The following ASAP1 variants were observed in gnomAD, a reference collection of about 807,000 sequenced individuals.
ASAP1 encodes the protein arf-GAP with SH3 domain, ANK repeat and PH domain-containing protein 1.
In ASAP1, 43 loss-of-function variants were observed where a neutral mutation model predicts 145.2. The ratio of observed to expected loss-of-function variants is 0.30; its 90% CI spans 0.23 to 0.38. ASAP1 has a LOEUF of 0.38. Ranked by LOEUF, ASAP1 falls within the 10% of genes least tolerant of loss-of-function variation. The pLI is 1.00. For synonymous variants in ASAP1, 546 were observed against 515.5 expected, an observed-to-expected ratio of 1.06 and a Z score of -0.80; for missense variants, 1,018 against 1,355.3, an observed-to-expected ratio of 0.75 and a Z score of 3.91.
chr8:130,156,954 T>G (rs1463541656), intron 12 of ASAP1, among the ~76,000 whole-genome samples: 5 of 152,260 alleles, frequency 3.3e-5, no homozygotes, highest in Non-Finnish European at 7.3e-5. Flanking sequence ...AAGATCATTG[T>G]GATTTCGGGA....
chr8:130,278,357 T>C (rs1821048397), intron 3 of ASAP1, among the ~76,000 whole-genome samples: 1 of 151,692 alleles, frequency 6.6e-6, no homozygotes. Context: ...GCAGGTTAAG[T>C]CCACCACTCC....
intron 1 of ASAP1, among the ~76,000 whole-genome samples, chr8:130,420,618 G>A (rs1829680497): frequency 1.3e-5 from 2 of 152,120 alleles, no homozygotes; most frequent in South Asian, 4.1e-4. Context: ...CTGAGGCCAG[G>A]TGCGGTGGCT....
At chr8:130,421,764 C>T (rs1317871396) in intron 1 of ASAP1, among the ~76,000 whole-genome samples, 1 of 152,178 alleles carries the variant, frequency 6.6e-6, no homozygotes, top group African/African-American at 2.4e-5. Flanking sequence ...CAATAAACAT[C>T]GTGGGGACTA....
intron 3 of ASAP1, among the ~76,000 whole-genome samples, chr8:130,353,131 T>C (rs532539326): frequency 1.3e-5 from 2 of 152,228 alleles, no homozygotes; most frequent in Non-Finnish European, 2.9e-5. Flanking sequence ...GAACTGCCCC[T>C]TTCTACCCTG....
chr8:130,121,074 A>C (rs2097565057), intron 18 of ASAP1, among the ~76,000 whole-genome samples: 3 of 152,202 alleles, frequency 2.0e-5, no homozygotes, highest in Admixed American at 1.3e-4. Context: ...CTCATATTAA[A>C]ACTGATCAGC....
intron 9 of ASAP1, among the ~76,000 whole-genome samples, chr8:130,178,073 G>A (rs11774686): frequency 0.035 from 5,293 of 152,256 alleles, 126 homozygotes; most frequent in Middle Eastern, 0.065. Context: ...TATTAATGCT[G>A]ACCTCCTTAA....
intron 24 of ASAP1, among the ~76,000 whole-genome samples, chr8:130,103,906 AT>A (rs1260567065): frequency 2.0e-5 from 3 of 152,044 alleles, no homozygotes; most frequent in African/African-American, 7.2e-5. Context: ...TTACATCTTC[AT>A]TTTTTTAAGG....
At chr8:130,300,184 A>AGAGAGAGAGAGAGAGAGAGAGAGAGC (rs761456724) in intron 3 of ASAP1, among the ~76,000 whole-genome samples, 2 of 140,288 alleles carry the variant, frequency 1.4e-5, no homozygotes, top group Admixed American at 7.0e-5. Flanking sequence ...AGAGAGAGAG[A>AGAGAGAGAGAGAGAGAGAGAGAGAGC]GAGCGAGCGA....
chr8:130,060,056 C>T (rs2097414805), intron 28 of ASAP1, among the ~76,000 whole-genome samples: 2 of 130,250 alleles, frequency 1.5e-5, no homozygotes, highest in African/African-American at 3.0e-5. Flanking sequence ...CCAGCCTGGG[C>T]GACAGAGCGA....
intron 13 of ASAP1, among the ~76,000 whole-genome samples, chr8:130,149,243 T>C (rs918470275): frequency 1.3e-5 from 2 of 148,164 alleles, no homozygotes; most frequent in Admixed American, 6.9e-5. Flanking sequence ...ACATACTAGA[T>C]GGTCCATAGT....
rs1271428104 is a variant in ASAP1 at position 130,052,390 on chromosome 8, T to C, written c.*2341A>G. 6.6e-6 allele frequency: 1 copy of C among 152,374 alleles called. No individual in the cohort carries two copies. The highest frequency in any genetic ancestry group is 1.5e-5 in the Non-Finnish European group (1 of 68,010). The allele number at this position is 152,374 out of a possible 1,614,324, so 9.4% of individuals were successfully genotyped here. A position where few individuals can be genotyped will look rare whatever the true frequency, so the allele number is the denominator to read the frequency against. On this transcript the variant is annotated 3_prime_UTR_variant, in exon 30 of 30. Coordinates refer to ENST00000518721, the MANE Select transcript of ASAP1 (RefSeq NM_018482.4). The stretch of plus-strand genomic sequence containing the variant: ...ATTTGCAGAACATAACTTTCCCCTC[T>C]GGGGGAAAAAGAACTAATTTGCTAT...
At chr8:130,198,299 A>AT (rs1191516000) in intron 5 of ASAP1, among the ~76,000 whole-genome samples, 2 of 151,870 alleles carry the variant, frequency 1.3e-5, no homozygotes, top group African/African-American at 2.4e-5. Context: ...TGATTTTTGT[A>AT]TTTTTAGTAG....
chr8:130,074,016 G>C (rs1000905635), intron 27 of ASAP1, among the ~76,000 whole-genome samples: 10 of 152,072 alleles, frequency 6.6e-5, no homozygotes, highest in Admixed American at 6.6e-4. Flanking sequence ...AATAAAAAGA[G>C]AGATGCAGGG....
chr8:130,095,497 T>TGC (rs1485009677), intron 24 of ASAP1, among the ~76,000 whole-genome samples: 2 of 151,664 alleles, frequency 1.3e-5, no homozygotes, highest in African/African-American at 4.8e-5. Flanking sequence ...GATGGGGTTT[T>TGC]GCCATGTTGG....
At position 130,304,993 on chromosome 8, in the gene ASAP1, G is replaced by C. The variant is rs11785172; in HGVS notation, c.186+53024C>G. Among the ~76,000 whole-genome samples, 2 of 152,024 alleles carry C rather than the reference G, an allele frequency of 1.3e-5. 1 individual carries two copies. The highest frequency in any genetic ancestry group is 4.1e-4 in the South Asian group (2 of 4,824). Reference sequence around the variant, plus strand: ...CTTTCCAACCTCTTCTTCCTCACACGCTCTACACCTTGGCCACATGACCTC... The same window carrying C: ...CTTTCCAACCTCTTCTTCCTCACACCCTCTACACCTTGGCCACATGACCTC... On this transcript the variant is annotated intron_variant, in intron 3 of 29. Coordinates refer to ENST00000518721, the MANE Select transcript of ASAP1 (RefSeq NM_018482.4).
intron 4 of ASAP1, among the ~76,000 whole-genome samples, chr8:130,229,892 C>T (rs1817807034): frequency 1.3e-5 from 2 of 152,016 alleles, no homozygotes; most frequent in African/African-American, 4.8e-5. Context: ...CACCACCTCC[C>T]TCCCACACAC....
rs180958481 is a variant in ASAP1 at position 130,361,545 on chromosome 8, C to A, written c.60-3402G>T. On this transcript the variant is annotated intron_variant, in intron 2 of 29. Transcript: ENST00000518721. ...ATTTGAAGATTATGTTATGTATCTG[C>A]TCCTCCCCCATCTCCTTTGGCCAAG... The A allele has an allele frequency of 1.0e-3, 754 of 735,302 alleles. 3 individuals carry two copies. The highest frequency in any genetic ancestry group is 5.3e-3 in the Middle Eastern group (23 of 4,348). 45.5% of individuals were successfully genotyped at this position (735,302 alleles called of 1,614,324 possible).
chr8:130,369,610 C>T (rs1827118809), intron 2 of ASAP1, among the ~76,000 whole-genome samples: 1 of 152,116 alleles, frequency 6.6e-6, no homozygotes, highest in African/African-American at 2.4e-5. Flanking sequence ...ATAATAAGCA[C>T]ATGAAAAGAT....
intron 2 of ASAP1, among the ~76,000 whole-genome samples, chr8:130,399,731 A>G (rs1056396937): frequency 1.3e-5 from 2 of 152,188 alleles, no homozygotes; most frequent in Admixed American, 6.5e-5. Context: ...CATTTTTTCT[A>G]AACTACACAA....
Sources: gnomAD v4.1 joint callset for allele counts (sites outside exome capture counted in the v4.1 genomes callset) on GRCh38, gnomAD v4.1.1 for gene constraint, MANE v1.5 for transcripts, NCBI Gene and HGNC (gene_info 2026-07-23, HGNC 2026-07-21) for gene names.